ADGRL2: variants seen among roughly 807,000 people sequenced by gnomAD.
ADGRL2 encodes adhesion G protein-coupled receptor L2.
A neutral mutation model predicts 157.4 loss-of-function variants in ADGRL2; 44 were observed. The observed-to-expected ratio is 0.28, with a 90% CI of 0.22 to 0.36. The LOEUF (loss-of-function observed/expected upper bound fraction) is 0.36. ADGRL2 is among the 10% of genes least tolerant of loss of function. The probability of loss-of-function intolerance (pLI) is 1.00; values close to 1 mark genes in which losing one functional copy is unlikely to be tolerated. For missense variants in ADGRL2, 1,510 were observed against 1,768.9 expected (o/e 0.85, Z 2.63); for synonymous variants, 585 against 624.7 (o/e 0.94, Z 0.95).
intron 23 of ADGRL2, chr1:81,989,990 A>T (rs1336638283): frequency 1.0e-6 from 1 of 984,232 alleles, no homozygotes; most frequent in Non-Finnish European, 1.2e-6. Flanking sequence ...AAATTCTGTT[A>T]ATTTTATTTT....
In ADGRL2 at chr1:81,804,897, T is replaced by C. The variant is rs2088876572; in HGVS notation, c.-101+3829T>C. Among the ~76,000 whole-genome samples, 5 of 152,204 alleles carry C rather than the reference T, an allele frequency of 3.3e-5. No individual in the cohort carries two copies. The South Asian group carries it at 1.0e-3, about 31-fold the overall frequency. ...TCATTTGTACACGTAGGTAACTGTT[T>C]TTTATGTGCTAAATAAATAGGGAAA... On this transcript the variant is annotated intron_variant, in intron 1 of 23. Coordinates refer to ENST00000686636, the MANE Select transcript of ADGRL2 (RefSeq NM_001366006.2).
chr1:81,813,104 T>TA, intron 1 of ADGRL2, among the ~76,000 whole-genome samples: 1 of 151,868 alleles, frequency 6.6e-6, no homozygotes, highest in South Asian at 2.1e-4. Flanking sequence ...TGCATACACT[T>TA]ATTTGTGCCA....
intron 11 of ADGRL2, among the ~76,000 whole-genome samples, chr1:81,965,199 C>G (rs1656687401): frequency 6.6e-6 from 1 of 152,144 alleles, no homozygotes; most frequent in Non-Finnish European, 1.5e-5. Flanking sequence ...TGTCACACTT[C>G]TGCTGTAAAG....
At chr1:81,800,917 T>C (rs2087966121), upstream of ADGRL2, among the ~76,000 whole-genome samples, 1 of 149,150 alleles carries the variant, frequency 6.7e-6, no homozygotes, top group South Asian at 2.1e-4. Context: ...GCAGGCCGCC[T>C]CCGGGGCGCG....
At chr1:81,912,630 A>G (rs2094757108) in intron 3 of ADGRL2, among the ~76,000 whole-genome samples, 1 of 152,218 alleles carries the variant, frequency 6.6e-6, no homozygotes, top group African/African-American at 2.4e-5. Context: ...AAAACCTGCT[A>G]GACAACATCT....
intron 2 of ADGRL2, chr1:81,502,365 A>G (rs1036455218): frequency 9.7e-5 from 156 of 1,614,040 alleles, no homozygotes; most frequent in Admixed American, 1.5e-4. Context: ...GATGATGCAG[A>G]TGGAGGCCGG....
At chr1:81,418,474 G>A (rs556957039) in intron 1 of ADGRL2, among the ~76,000 whole-genome samples, 5 of 152,282 alleles carry the variant, frequency 3.3e-5, no homozygotes, top group East Asian at 1.9e-4. Flanking sequence ...ATTCCAGGCC[G>A]AGTGTGGTGG....
chr1:81,495,869 T>C (rs147091875), intron 2 of ADGRL2, among the ~76,000 whole-genome samples: 1 of 152,292 alleles, frequency 6.6e-6, no homozygotes, highest in Non-Finnish European at 1.5e-5. Flanking sequence ...TGTTCTCCTG[T>C]ACAGTTTCTA....
chr1:81,861,124 G>A (rs941712780), intron 2 of ADGRL2, among the ~76,000 whole-genome samples: 21 of 150,986 alleles, frequency 1.4e-4, no homozygotes, highest in Admixed American at 9.3e-4. Context: ...GGGTTCAAGC[G>A]ATTCTCCTGC....
At chr1:81,446,277 T>C (rs1428102925) in intron 2 of ADGRL2, among the ~76,000 whole-genome samples, 1 of 152,148 alleles carries the variant, frequency 6.6e-6, no homozygotes, top group Non-Finnish European at 1.5e-5. Flanking sequence ...CTTGTCACCA[T>C]TTCAGAAACA....
At chr1:81,878,685 T>A (rs2093905374) in intron 2 of ADGRL2, among the ~76,000 whole-genome samples, 1 of 152,174 alleles carries the variant, frequency 6.6e-6, no homozygotes, top group African/African-American at 2.4e-5. Context: ...CCCTTTCAAA[T>A]TAACAGGTCA....
intron 19 of ADGRL2, among the ~76,000 whole-genome samples, chr1:81,982,901 A>G (rs891136547): frequency 6.6e-6 from 1 of 152,044 alleles, no homozygotes; most frequent in African/African-American, 2.4e-5. Flanking sequence ...TTGGTTATAC[A>G]GCATTTCATA....
chr1:81,742,144 A>AT (rs1196075901), intron 1 of ADGRL2, among the ~76,000 whole-genome samples: 1 of 151,988 alleles, frequency 6.6e-6, no homozygotes, highest in East Asian at 1.9e-4. Context: ...TCTACTAGCC[A>AT]TATGATTTCT....
intron 1 of ADGRL2, among the ~76,000 whole-genome samples, chr1:81,325,452 A>C (rs1660829655): frequency 6.6e-6 from 1 of 152,226 alleles, no homozygotes; most frequent in African/African-American, 2.4e-5. Context: ...CTCGTAGGTC[A>C]CTGCAGGTGT....
At chr1:81,603,754 A>C (rs2081378966) in intron 3 of ADGRL2, among the ~76,000 whole-genome samples, 1 of 152,166 alleles carries the variant, frequency 6.6e-6, no homozygotes, top group Non-Finnish European at 1.5e-5. Context: ...GCCCAAAAAA[A>C]AGGAAGGAAA....
chr1:81,655,156 T>C (rs375391284), intron 3 of ADGRL2, among the ~76,000 whole-genome samples: 166 of 152,246 alleles, frequency 1.1e-3, no homozygotes, highest in African/African-American at 3.8e-3. Flanking sequence ...ATGCCACCAC[T>C]CTCGGCTAAT....
In ADGRL2 at chr1:81,969,221, G is replaced by C; in HGVS notation, c.2567G>C (p.Trp856Ser). The C allele has an allele frequency of 6.2e-7, 1 of 1,613,938 alleles. No homozygotes were observed. Among genetic ancestry groups the C allele is most frequent in the Non-Finnish European group, 8.5e-7 (1 of 1,179,882 alleles). The change falls in exon 15 of 24, where the codon TGG becomes TCG. Residue 856 changes from tryptophan to serine, a missense_variant. Around this residue, in one of 4 missense-constraint regions of ADGRL2, gnomAD observed 497 missense variants for 627.2 expected, o/e 0.79. Transcript: ENST00000686636. ...GAATTACTTCTTACAGTCATCACCT[G>C]GGTGGGAATTGTCATTTCCCTTGTT... Reference protein sequence around the residue: ...VHELLLTVITWVGIVISLVCL... With the variant: ...VHELLLTVITSVGIVISLVCL...
intron 10 of ADGRL2, 22 bp from the exon 11 acceptor site, chr1:81,955,855 G>A: frequency 1.3e-6 from 2 of 1,491,378 alleles, no homozygotes; most frequent in Non-Finnish European, 1.8e-6. Flanking sequence ...CAAAACTAAT[G>A]ATAGTTTTCT....
upstream of ADGRL2, among the ~76,000 whole-genome samples, chr1:81,698,749 T>A (rs953294263): frequency 3.3e-5 from 5 of 152,228 alleles, no homozygotes; most frequent in Non-Finnish European, 7.3e-5. Context: ...CTATATTTTT[T>A]ATACTTTGTT....
Sources: gnomAD v4.1 joint callset for allele counts (sites outside exome capture counted in the v4.1 genomes callset) on GRCh38, gnomAD v4.1.1 for gene constraint, gnomAD v4.1.1 regional missense constraint, MANE v1.5 for transcripts, NCBI Gene and HGNC (gene_info 2026-07-23, HGNC 2026-07-21) for gene names.